ZNF692: variants seen among roughly 807,000 people sequenced by gnomAD.
ZNF692 encodes the protein zinc finger protein 692.
In ZNF692, 41 loss-of-function variants were observed where a neutral mutation model predicts 49.0. That is an observed-to-expected ratio of 0.84 (90% CI 0.65 to 1.08). ZNF692 has a LOEUF of 1.08. ZNF692 is among the 50% of genes least tolerant of loss of function. The pLI is 0.00. For synonymous variants in ZNF692, 288 were observed against 251.5 expected (o/e 1.15, Z -1.37); for missense variants, 662 against 662.2 (o/e 1.00, Z 0.00).
chr1:248,850,572 C>T (rs1659445479), intron 11 of ZNF692, 56 bp from the exon 12 acceptor site: 1 of 1,591,302 alleles, frequency 6.3e-7, no homozygotes, highest in Non-Finnish European at 8.6e-7. Flanking sequence ...CATGACTTCC[C>T]TAGGGGGTTC....
chr1:248,855,702 TTC>T (rs754320102), intron 7 of ZNF692, 21 bp downstream of exon 7: 1 of 1,614,194 alleles, frequency 6.2e-7, no homozygotes, highest in Admixed American at 1.7e-5. Context: ...CCCCTGCCCT[TTC>T]TGTCTCAGCC....
chr1:248,852,908 C>A (rs1218603717), intron 10 of ZNF692, among the ~76,000 whole-genome samples: 1 of 152,216 alleles, frequency 6.6e-6, no homozygotes, highest in Non-Finnish European at 1.5e-5. Context: ...CCCATATGCT[C>A]ATGACCCACA....
In ZNF692 at chr1:248,852,075, A is replaced by G. The variant is rs555192429; in HGVS notation, c.1154-1294T>C. ...CTTTTGGTCTGTTCCGGGCCTGCAC[A>G]TGTGTACTGTAAGGGCAAAATCTGC... On this transcript the variant is annotated intron_variant, in intron 10 of 11. Coordinates refer to ENST00000306601, the MANE Select transcript of ZNF692 (RefSeq NM_017865.4). Among the ~76,000 whole-genome samples the G allele has an allele frequency of 1.0e-3, 157 of 152,320 alleles. 2 individuals are homozygous for G. The highest frequency in any genetic ancestry group is 8.1e-3 in the South Asian group (39 of 4,826).
rs1660520180 is a variant in ZNF692, at chr1:248,858,507, G to C, written c.-12-186C>G. The C allele has an allele frequency of 6.4e-7, 1 of 1,551,632 alleles. No individual in the cohort carries two copies. The highest frequency in any genetic ancestry group is 8.7e-7 in the Non-Finnish European group (1 of 1,147,014). On this transcript the variant is annotated intron_variant, in intron 1 of 11. Coordinates refer to ENST00000306601, the MANE Select transcript of ZNF692 (RefSeq NM_017865.4). This position sits in a 1 kb window ranked among gnomAD's most constrained non-coding sequence, Gnocchi z 4.3. ...ATGATACAGGGTGTTGAAGCTCAGC[G>C]CTACCATGTGAGTGTCGTCGGGTGG... is the stretch of plus-strand genomic sequence containing the variant.
chr1:248,858,580 T>C lies in ZNF692; in HGVS notation c.-12-259A>G. The C allele has an allele frequency of 5.2e-6, 8 of 1,549,368 alleles. No homozygotes were observed. Among genetic ancestry groups the C allele is most frequent in the Non-Finnish European group, 7.0e-6 (8 of 1,145,188 alleles). On this transcript the variant is annotated intron_variant, in intron 1 of 11. Coordinates refer to ENST00000306601, the MANE Select transcript of ZNF692 (RefSeq NM_017865.4). The surrounding 1 kb of genome is among the most constrained non-coding windows in gnomAD (Gnocchi z 4.3). ...CAGAACAAAGGCCTGCGCCCTCCAGTCCACTGAAGTGGAGCTGTGGGGAAG... is the reference window on the plus strand; with the variant it reads ...CAGAACAAAGGCCTGCGCCCTCCAGCCCACTGAAGTGGAGCTGTGGGGAAG...
At position 248,850,317 on chromosome 1, in the gene ZNF692, G is replaced by T; in HGVS notation, c.1453C>A (p.Pro485Thr). Residue 485 changes from proline (P) to threonine (T), a missense_variant, in exon 12 of 12, where the codon CCC becomes ACC. By Grantham distance (38) the Pro-to-Thr change is conservative. Coordinates refer to ENST00000306601, the MANE Select transcript of ZNF692 (RefSeq NM_017865.4). ...LLAPQESPSG[P>T]LEPCPSISAP... ...GAGATGCTGGGACAGGGCTCTAGGG[G>T]ACCACTGGGTGACTCTTGAGGGGCT... 1 of 1,613,910 alleles carries T rather than the reference G, an allele frequency of 6.2e-7. No individual in the cohort carries two copies. The highest frequency in any genetic ancestry group is 8.5e-7 in the Non-Finnish European group (1 of 1,179,930).
rs1242457558 is a variant in ZNF692, at chr1:248,858,248, T to A, written c.62A>T (p.Asp21Val). 6.9e-6 allele frequency: 11 copies of A among 1,584,458 alleles called. No homozygotes were observed. The highest frequency in any genetic ancestry group is 9.4e-6 in the Non-Finnish European group (11 of 1,165,374). Residue 21 changes from aspartate to valine, a missense_variant, in exon 2 of 12, where the codon GAC becomes GTC. Physicochemically the swap from Asp to Val is radical, Grantham distance 152 (BLOSUM62 -3). Coordinates refer to ENST00000306601, the MANE Select transcript of ZNF692 (RefSeq NM_017865.4). This position sits in a 1 kb window ranked among gnomAD's most constrained non-coding sequence, Gnocchi z 4.3. Reference protein sequence around the residue: ...CRRREKRRQLDARRSKCRIRL... With the variant: ...CRRREKRRQLVARRSKCRIRL... ...GATGCGGCACTTGCTGCGGCGCGCG[T>A]CCAGCTGCCGCCGCTTCTCCCGCCG... is the stretch of plus-strand genomic sequence containing the variant.
rs1422043285 is a variant in ZNF692 at position 248,858,466 on chromosome 1, C to A, written c.-12-145G>T. On this transcript the variant is annotated intron_variant, in intron 1 of 11. Coordinates refer to ENST00000306601, the MANE Select transcript of ZNF692 (RefSeq NM_017865.4). The surrounding 1 kb of genome is among the most constrained non-coding windows in gnomAD (Gnocchi z 4.3). ...TCAATAGCAGTGGCAGGTGTGGAGC[C>A]AAACCCCGTCCTTCTATGATACAGG... 5 of 1,551,544 alleles carry A rather than the reference C, an allele frequency of 3.2e-6. No individual in the cohort carries two copies. The African/African-American group carries it at 5.5e-5, about 17-fold the overall frequency.
chr1:248,858,578 A>C lies in ZNF692; in HGVS notation c.-12-257T>G, dbSNP rs939515923. The C allele has an allele frequency of 6.5e-7, 1 of 1,550,056 alleles. No homozygotes were observed. The highest frequency in any genetic ancestry group is 1.4e-5 in the African/African-American group (1 of 73,122). On this transcript the variant is annotated intron_variant, in intron 1 of 11. Coordinates refer to ENST00000306601, the MANE Select transcript of ZNF692 (RefSeq NM_017865.4). This position sits in a 1 kb window ranked among gnomAD's most constrained non-coding sequence, Gnocchi z 4.3. ...GTCAGAACAAAGGCCTGCGCCCTCC[A>C]GTCCACTGAAGTGGAGCTGTGGGGA...
At chr1:248,852,331 C>A (rs1444623822) in intron 10 of ZNF692, among the ~76,000 whole-genome samples, 1 of 152,162 alleles carries the variant, frequency 6.6e-6, no homozygotes, top group African/African-American at 2.4e-5. Flanking sequence ...CATCTTCTGC[C>A]CACCAAATCC....
intron 10 of ZNF692, among the ~76,000 whole-genome samples, chr1:248,852,087 A>G (rs11205429): frequency 0.26 from 39,252 of 152,174 alleles, 11,041 homozygotes; most frequent in African/African-American, 0.69. Context: ...GTGTACTGTA[A>G]GGGCAAAATC....
chr1:248,857,144 A>G, intron 4 of ZNF692, 90 bp downstream of exon 4: 1 of 1,335,688 alleles, frequency 7.5e-7, no homozygotes, highest in South Asian at 1.4e-5. Flanking sequence ...TTGAAAAAGG[A>G]TCATTTTTAG....
chr1:248,856,065 T>G (rs779956211), intron 6 of ZNF692, 119 bp from the exon 7 acceptor site: 13 of 1,233,584 alleles, frequency 1.1e-5, no homozygotes, highest in African/African-American at 1.5e-5. Context: ...ACCCCCACCC[T>G]AGGCTCCCCA....
Position 248,857,280 on chromosome 1 carries a change from A to G in ZNF692, c.429T>C (p.Thr143=). 1 of 1,614,050 alleles carries G rather than the reference A, an allele frequency of 6.2e-7. No individual in the cohort carries two copies. The change falls in exon 4 of 12, where the codon ACT becomes ACC. Residue 143 remains threonine (T), a synonymous_variant. Coordinates refer to ENST00000306601, the MANE Select transcript of ZNF692 (RefSeq NM_017865.4). ...TGGCCTCGGAACACCAACTTCTCCGAGTAGTATGTGGAAGGGAGGCTGGCT... is the reference window on the plus strand; with the variant it reads ...TGGCCTCGGAACACCAACTTCTCCGGGTAGTATGTGGAAGGGAGGCTGGCT... ...APKPASLPHT[T]RRSWCSEATS...
rs1404635656 is a variant in ZNF692, at chr1:248,851,406, GGCAGCAGCTCTCAC to G, written c.1154-639_1154-626del. Among the ~76,000 whole-genome samples the G allele has an allele frequency of 2.4e-4, 36 of 152,182 alleles. 1 individual carries two copies. Among genetic ancestry groups the G allele is most frequent in the Admixed American group, 2.2e-3 (34 of 15,288 alleles). On this transcript the variant is annotated intron_variant, in intron 10 of 11. Transcript: ENST00000306601. ...TGCCTGTTGCCCATGGTCACTGTGT[GGCAGCAGCTCTCAC>G]AGGCTGCTGTGGTTTCTCTAACCCA...
chr1:248,856,056 C>T, intron 6 of ZNF692, 110 bp from the exon 7 acceptor site: 5 of 1,287,862 alleles, frequency 3.9e-6, no homozygotes, highest in South Asian at 1.4e-5. Context: ...AACAACCCTA[C>T]CCCCACCCTA....
rs1221129794 is a variant in ZNF692 at position 248,858,861 on chromosome 1, G to A, written c.-13+57C>T. The A allele has an allele frequency of 2.4e-6, 1 of 423,028 alleles. No homozygotes were observed. The highest frequency in any genetic ancestry group is 4.4e-6 in the Non-Finnish European group (1 of 227,106). 26.2% of individuals were successfully genotyped at this position (423,028 alleles called of 1,614,324 possible). ...GTGAGTGGAGCGGACTAATCCCAAT[G>A]GCAGTTCCCAGGCTGCCCAGAGCCC... On this transcript the variant is annotated intron_variant, in intron 1 of 11. Coordinates refer to ENST00000306601, the MANE Select transcript of ZNF692 (RefSeq NM_017865.4). This position sits in a 1 kb window ranked among gnomAD's most constrained non-coding sequence, Gnocchi z 4.3.
chr1:248,859,067 G>C lies in ZNF692; in HGVS notation c.-162C>G, dbSNP rs950654744. On this transcript the variant is annotated 5_prime_UTR_variant, in exon 1 of 12. Coordinates refer to ENST00000306601, the MANE Select transcript of ZNF692 (RefSeq NM_017865.4). ...GAAGAAACGGTGCCTCTCGGCGTCGGCTGCTGTAGCCCGGAACTGAGGCCC... is the reference window on the plus strand; with the variant it reads ...GAAGAAACGGTGCCTCTCGGCGTCGCCTGCTGTAGCCCGGAACTGAGGCCC... The C allele has an allele frequency of 6.5e-6, 1 of 153,738 alleles. No homozygotes were observed. The highest frequency in any genetic ancestry group is 2.4e-5 in the African/African-American group (1 of 41,476). The allele number at this position is 153,738 out of a possible 1,614,324, so 9.5% of individuals were successfully genotyped here. A position where few individuals can be genotyped will look rare whatever the true frequency, so the allele number is the denominator to read the frequency against.
At position 248,858,396 on chromosome 1, in the gene ZNF692, G is replaced by A. The variant is rs1278923559; in HGVS notation, c.-12-75C>T. 3 of 1,542,652 alleles carry A rather than the reference G, an allele frequency of 1.9e-6. No individual in the cohort carries two copies. In the African/African-American group the frequency reaches 4.1e-5, roughly 21 times the overall value. On this transcript the variant is annotated intron_variant, in intron 1 of 11. Transcript: ENST00000306601. The surrounding 1 kb of genome is among the most constrained non-coding windows in gnomAD (Gnocchi z 4.3). ...GGGACCCGGCTCCACCTGCCGTTAG[G>A]GCCTCAGTTTCCTCATCAGTGAACT...
Sources: gnomAD v4.1 joint callset for allele counts (sites outside exome capture counted in the v4.1 genomes callset) on GRCh38, gnomAD v4.1.1 for gene constraint, Gnocchi (gnomAD v3.1) non-coding constraint, MANE v1.5 for transcripts, NCBI Gene and HGNC (gene_info 2026-07-23, HGNC 2026-07-21) for gene names.